The following SND1 variants were observed in gnomAD, a reference collection of about 807,000 sequenced individuals.
SND1 encodes the protein staphylococcal nuclease domain-containing protein 1.
A neutral mutation model predicts 121.7 loss-of-function variants in SND1; 38 were observed. The observed-to-expected ratio is 0.31, with a 90% CI of 0.24 to 0.41. The LOEUF is 0.41. Ranked by LOEUF, SND1 falls within the 10% of genes least tolerant of loss-of-function variation. The pLI, the probability that SND1 is intolerant of heterozygous loss-of-function variation, is 1.00. For synonymous variants in SND1, 401 were observed against 447.4 expected (o/e 0.90, Z 1.31); for missense variants, 868 against 1,184.6 (o/e 0.73, Z 3.92).
chr7:128,021,951 C>T (rs1584742250), intron 16 of SND1, among the ~76,000 whole-genome samples: 1 of 152,058 alleles, frequency 6.6e-6, no homozygotes, highest in African/African-American at 2.4e-5. Flanking sequence ...CGCCTGTAAT[C>T]CCAGCACTTT....
chr7:127,745,207 C>A (rs887277180), intron 10 of SND1, among the ~76,000 whole-genome samples: 18 of 152,148 alleles, frequency 1.2e-4, no homozygotes, highest in African/African-American at 4.3e-4. Flanking sequence ...GTATGGCTTA[C>A]TACACACCTA....
intron 11 of SND1, among the ~76,000 whole-genome samples, chr7:127,813,855 G>A (rs376906503): frequency 6.6e-5 from 10 of 152,082 alleles, no homozygotes; most frequent in East Asian, 3.9e-4. Context: ...AAGCCACCAC[G>A]CTCGGCCTTG....
chr7:128,039,356 C>G lies in SND1; in HGVS notation c.1780-35146C>G, dbSNP rs572299623. On this transcript the variant is annotated intron_variant, in intron 16 of 23. Transcript: ENST00000354725. ...AGACCTAGCAGTGAGTTTATTATTT[C>G]AGAGGGATGAGGACTGTTTTTGATA... Among the ~76,000 whole-genome samples, 188 of 152,310 alleles carry G rather than the reference C, an allele frequency of 1.2e-3. 5 individuals are homozygous for G. In the South Asian group the frequency reaches 0.037, roughly 30 times the overall value.
At chr7:127,688,637 A>G (rs1467489744) in intron 2 of SND1, among the ~76,000 whole-genome samples, 1 of 151,636 alleles carries the variant, frequency 6.6e-6, no homozygotes, top group Non-Finnish European at 1.5e-5. Flanking sequence ...TGGAAGGATC[A>G]CTTGAACCTG....
At chr7:127,954,319 C>A (rs1801544066) in intron 15 of SND1, among the ~76,000 whole-genome samples, 1 of 152,128 alleles carries the variant, frequency 6.6e-6, no homozygotes, top group African/African-American at 2.4e-5. Context: ...ATCTTTACTC[C>A]CCCCAAAATG....
In SND1 at chr7:128,085,847, TG is replaced by T. The variant is rs1793678870; in HGVS notation, c.2304+68del. The T allele has an allele frequency of 7.5e-7, 1 of 1,341,820 alleles. No homozygotes were observed. The allele number at this position is 1,341,820 out of a possible 1,614,324, so 83.1% of individuals were successfully genotyped here. On this transcript the variant is annotated intron_variant, in intron 20 of 23. Transcript: ENST00000354725. The surrounding 1 kb of genome is among the most constrained non-coding windows in gnomAD (Gnocchi z 4.4). ...CAGCAGCCCCCGAGTCAAATCCATC[TG>T]ATCTCTCCAAGGTCCCTCTGAGCTT...
chr7:127,961,269 A>T (rs749297292), intron 15 of SND1, among the ~76,000 whole-genome samples: 1 of 152,232 alleles, frequency 6.6e-6, no homozygotes, highest in Non-Finnish European at 1.5e-5. Flanking sequence ...AATATATTAC[A>T]TAAGTGTATT....
intron 10 of SND1, among the ~76,000 whole-genome samples, chr7:127,772,897 A>T (rs1432707761): frequency 6.6e-6 from 1 of 152,232 alleles, no homozygotes. Flanking sequence ...AGGTATAATT[A>T]ATTTCACTTA....
intron 10 of SND1, among the ~76,000 whole-genome samples, chr7:127,782,782 G>A (rs535867492): frequency 6.6e-6 from 1 of 152,292 alleles, no homozygotes; most frequent in African/African-American, 2.4e-5. Context: ...TGTAGTGGGG[G>A]CAGGGAGAGT....
chr7:127,918,411 A>G (rs187533231), intron 14 of SND1, among the ~76,000 whole-genome samples: 105 of 152,168 alleles, frequency 6.9e-4, no homozygotes, highest in Non-Finnish European at 1.2e-3. Flanking sequence ...ATTTTTCTTT[A>G]TTCGAATTTT....
At chr7:127,711,651 C>G (rs1171313335) in intron 9 of SND1, among the ~76,000 whole-genome samples, 1 of 152,024 alleles carries the variant, frequency 6.6e-6, no homozygotes, top group Non-Finnish European at 1.5e-5. Context: ...TCTCCCAACT[C>G]TTTTGTTGGT....
At chr7:127,967,791 G>A (rs754160478) in intron 15 of SND1, among the ~76,000 whole-genome samples, 2 of 152,190 alleles carry the variant, frequency 1.3e-5, no homozygotes, top group East Asian at 1.9e-4. Flanking sequence ...ATCTGTTGAC[G>A]TTGGTGAGGT....
intron 12 of SND1, among the ~76,000 whole-genome samples, chr7:127,885,479 G>A (rs1192081744): frequency 6.6e-6 from 1 of 152,142 alleles, no homozygotes; most frequent in Non-Finnish European, 1.5e-5. Flanking sequence ...AGAGAAGAAA[G>A]TTAGTGGGCA....
chr7:128,087,100 T>G (rs1237993919), intron 21 of SND1, 49 bp downstream of exon 21: 5 of 1,428,482 alleles, frequency 3.5e-6, no homozygotes, highest in Non-Finnish European at 4.9e-6. Flanking sequence ...CACTGACACT[T>G]AGCCGCTGCA....
rs762943168 is a variant in SND1 at position 128,030,488 on chromosome 7, C to A, written c.1779+39432C>A. 7 of 1,613,330 alleles carry A rather than the reference C, an allele frequency of 4.3e-6. No homozygotes were observed. In the African/African-American group the frequency reaches 9.3e-5, roughly 22 times the overall value. The stretch of plus-strand genomic sequence containing the variant: ...CCACCTTGCTGAACTGGTTACTGCA[C>A]GAGCAGACGGAGGGGCAGTTCTGGG... On this transcript the variant is annotated intron_variant, in intron 16 of 23. Coordinates refer to ENST00000354725, the MANE Select transcript of SND1 (RefSeq NM_014390.4).
At chr7:127,686,942 C>A in intron 2 of SND1, 180 bp downstream of exon 2, 1 of 609,444 alleles carries the variant, frequency 1.6e-6, no homozygotes, top group South Asian at 2.5e-5. Flanking sequence ...TGTTTACTAC[C>A]TTTAGTGGCA....
chr7:128,069,751 T>A (rs1008095463), intron 16 of SND1, among the ~76,000 whole-genome samples: 1 of 152,218 alleles, frequency 6.6e-6, no homozygotes, highest in African/African-American at 2.4e-5. Flanking sequence ...GTAGATGATG[T>A]TGCAATCCCA....
intron 16 of SND1, among the ~76,000 whole-genome samples, chr7:128,067,324 G>A (rs1793333349): frequency 6.6e-6 from 1 of 152,176 alleles, no homozygotes; most frequent in South Asian, 2.1e-4. Context: ...CGCTTGCTGT[G>A]ATTGTTGCTG....
rs190423280 is a variant in SND1 at position 127,953,038 on chromosome 7, C to T, written c.1669+23709C>T. ...AATTAGCCAGACATGGTGGTGTGCACCTGTAGTACCAGCTACTTGGGAGGC... is the reference window on the plus strand; with the variant it reads ...AATTAGCCAGACATGGTGGTGTGCATCTGTAGTACCAGCTACTTGGGAGGC... On this transcript the variant is annotated intron_variant, in intron 15 of 23. Coordinates refer to ENST00000354725, the MANE Select transcript of SND1 (RefSeq NM_014390.4). 9.1e-4 allele frequency among the ~76,000 whole-genome samples: 138 copies of T among 152,116 alleles called. 1 individual carries two copies. Among genetic ancestry groups the T allele is most frequent in the Middle Eastern group, 3.4e-3 (1 of 294 alleles).
Sources: gnomAD v4.1 joint callset for allele counts (sites outside exome capture counted in the v4.1 genomes callset) on GRCh38, gnomAD v4.1.1 for gene constraint, Gnocchi (gnomAD v3.1) non-coding constraint, MANE v1.5 for transcripts, NCBI Gene and HGNC (gene_info 2026-07-23, HGNC 2026-07-21) for gene names.